UBE2L3: variants seen among roughly 807,000 people sequenced by gnomAD.
UBE2L3 encodes ubiquitin conjugating enzyme E2 L3.
Under a neutral mutation model 17.8 loss-of-function variants are expected in UBE2L3, and 1 was observed. That is an observed-to-expected ratio of 0.06 (90% confidence interval 0.02 to 0.27). UBE2L3 has a LOEUF of 0.27. Among genes scored for constraint, UBE2L3 ranks in the 10% least tolerant of loss-of-function variants. UBE2L3 has a pLI of 1.00. For synonymous variants in UBE2L3, 44 were observed against 68.5 expected (o/e 0.64, Z 1.76); for missense variants, 40 against 192.6 (o/e 0.21, Z 4.69).
upstream of UBE2L3, among the ~76,000 whole-genome samples, chr22:21,566,162 G>A (rs1303223974): frequency 2.0e-5 from 3 of 151,694 alleles, no homozygotes; most frequent in South Asian, 2.1e-4. Flanking sequence ...TAGTAGAGAC[G>A]GAGTTTCACC....
chr22:21,580,401 G>A (rs1927558782), intron 1 of UBE2L3, among the ~76,000 whole-genome samples: 1 of 152,072 alleles, frequency 6.6e-6, no homozygotes, highest in Admixed American at 6.6e-5. Context: ...CCCTTTCCCA[G>A]CATCTCTTTG....
chr22:21,589,997 CT>C (rs1928169766), intron 1 of UBE2L3, among the ~76,000 whole-genome samples: 2 of 152,110 alleles, frequency 1.3e-5, no homozygotes, highest in Non-Finnish European at 2.9e-5. Flanking sequence ...TGTGGATCCC[CT>C]GGATCTCCTT....
chr22:21,601,070 C>G (rs1287917641), intron 2 of UBE2L3, among the ~76,000 whole-genome samples: 2 of 151,882 alleles, frequency 1.3e-5, no homozygotes, highest in Admixed American at 1.3e-4. Context: ...ACTTGGGAGG[C>G]AGAGGCAGGA....
At chr22:21,573,769 G>A (rs757394313) in intron 1 of UBE2L3, among the ~76,000 whole-genome samples, 6 of 152,172 alleles carry the variant, frequency 3.9e-5, no homozygotes, top group Non-Finnish European at 7.4e-5. Flanking sequence ...TGCTGCTTGC[G>A]TCTGACCTTG....
In UBE2L3 at chr22:21,567,725, G is replaced by A. The variant is rs1268226680; in HGVS notation, c.-20G>A. 6.3e-7 allele frequency: 1 copy of A among 1,578,662 alleles called. No individual in the cohort carries two copies. On this transcript the variant is annotated 5_prime_UTR_variant, in exon 1 of 4. Transcript: ENST00000342192. ...GCCGGCCGCGATGCATTCTGGGGAA[G>A]GAGCAGCACCAAATCCAAGATGGCG...
At chr22:21,603,318 A>G (rs1568983918) in intron 2 of UBE2L3, among the ~76,000 whole-genome samples, 1 of 151,858 alleles carries the variant, frequency 6.6e-6, no homozygotes, top group Non-Finnish European at 1.5e-5. Context: ...ACCTGAGGTC[A>G]GGAGTTCGAG....
chr22:21,572,844 T>C (rs1222895704), intron 1 of UBE2L3, among the ~76,000 whole-genome samples: 1 of 152,182 alleles, frequency 6.6e-6, no homozygotes, highest in Non-Finnish European at 1.5e-5. Context: ...CCTTAGTTAA[T>C]GGTTCACTTG....
intron 1 of UBE2L3, among the ~76,000 whole-genome samples, chr22:21,581,658 C>T (rs1241416761): frequency 1.3e-5 from 2 of 151,670 alleles, no homozygotes; most frequent in African/African-American, 2.4e-5. Flanking sequence ...CAAAATTAGC[C>T]GGGCATGGTG....
intron 2 of UBE2L3, among the ~76,000 whole-genome samples, chr22:21,603,338 G>GC (rs1180948003): frequency 1.3e-5 from 2 of 151,764 alleles, no homozygotes; most frequent in African/African-American, 4.8e-5. Context: ...GACCAGCCTG[G>GC]CCAACATGGT....
Position 21,592,842 on chromosome 22 carries a change from A to G in UBE2L3, c.28-19A>G. ...GCTTTCCCCTATTTGACACCCCTTTATGCTTTGTCAATCAACAGGAGCTTG... is the reference window on the plus strand; with the variant it reads ...GCTTTCCCCTATTTGACACCCCTTTGTGCTTTGTCAATCAACAGGAGCTTG... On this transcript the variant is annotated intron_variant, in intron 1 of 3. Coordinates refer to ENST00000342192, the MANE Select transcript of UBE2L3 (RefSeq NM_003347.4). 1 of 1,601,964 alleles carries G rather than the reference A, an allele frequency of 6.2e-7. No individual in the cohort carries two copies. The highest frequency in any genetic ancestry group is 8.5e-7 in the Non-Finnish European group (1 of 1,170,500).
chr22:21,602,209 A>G (rs926555027), intron 2 of UBE2L3, among the ~76,000 whole-genome samples: 6 of 152,178 alleles, frequency 3.9e-5, no homozygotes, highest in African/African-American at 1.4e-4. Context: ...AGAAGTGACA[A>G]CAGTGCACAG....
chr22:21,575,409 T>A, intron 1 of UBE2L3, among the ~76,000 whole-genome samples: 1 of 114,130 alleles, frequency 8.8e-6, no homozygotes, highest in Admixed American at 9.9e-5. Flanking sequence ...ACCCCATCTC[T>A]ACTAAAAAAA....
chr22:21,603,907 ATTTTTT>A (rs144747629), intron 2 of UBE2L3, among the ~76,000 whole-genome samples: 2 of 111,328 alleles, frequency 1.8e-5, no homozygotes. Context: ...GTGTTTTTTG[ATTTTTT>A]TTTTTTTTTT....
chr22:21,609,891 AG>A (rs1568986495), intron 2 of UBE2L3, among the ~76,000 whole-genome samples: 1 of 151,742 alleles, frequency 6.6e-6, no homozygotes, highest in African/African-American at 2.4e-5. Context: ...CTGGGCATTG[AG>A]GCGGGTGCCT....
intron 1 of UBE2L3, among the ~76,000 whole-genome samples, chr22:21,576,783 C>T (rs998670029): frequency 6.7e-6 from 1 of 148,262 alleles, no homozygotes; most frequent in East Asian, 2.0e-4. Context: ...AATATTCTTG[C>T]TTCTTGTCTT....
intron 3 of UBE2L3, among the ~76,000 whole-genome samples, chr22:21,617,691 G>T (rs957151798): frequency 6.6e-6 from 1 of 152,264 alleles, no homozygotes; most frequent in Non-Finnish European, 1.5e-5. Flanking sequence ...TTAATATGCT[G>T]TCCTATATAT....
chr22:21,614,080 C>T lies in UBE2L3; in HGVS notation c.310+3037C>T, dbSNP rs149792710. 9.7e-3 allele frequency among the ~76,000 whole-genome samples: 1,477 copies of T among 152,304 alleles called. 31 individuals carry two copies. The highest frequency in any genetic ancestry group is 0.034 in the African/African-American group (1,408 of 41,562). On this transcript the variant is annotated intron_variant, in intron 3 of 3. Coordinates refer to ENST00000342192, the MANE Select transcript of UBE2L3 (RefSeq NM_003347.4). ...CAGGCAAGGTTGCTGAGTCCCCTTG[C>T]TGCCTCCTCAGGCCCACTTGGGCCT... is the stretch of plus-strand genomic sequence containing the variant.
At position 21,570,036 on chromosome 22, in the gene UBE2L3, AGCCC is replaced by A. The variant is rs1926871998; in HGVS notation, c.27+2267_27+2270del. On this transcript the variant is annotated intron_variant, in intron 1 of 3. Transcript: ENST00000342192. ...CAACTCCAGTGCCAACTACTCTGTG[AGCCC>A]GTGCTCCCACATCCCCCTTCAGAAT... 8.5e-5 allele frequency among the ~76,000 whole-genome samples: 13 copies of A among 152,300 alleles called. No homozygotes were observed. In the South Asian group the frequency reaches 1.9e-3, roughly 22 times the overall value.
chr22:21,557,827 TCTA>T (rs2148389607), intron 1 of UBE2L3, among the ~76,000 whole-genome samples: 1 of 152,374 alleles, frequency 6.6e-6, no homozygotes, highest in African/African-American at 2.4e-5. Context: ...GGCCGGCAGA[TCTA>T]CTCTTAAGTG....
Sources: allele counts gnomAD v4.1 joint callset (sites outside exome capture counted in the v4.1 genomes callset), GRCh38; gene constraint gnomAD v4.1.1; transcripts MANE v1.5; gene names NCBI Gene and HGNC (gene_info 2026-07-23, HGNC 2026-07-21).